Variants in CLIP2 observed in about 807,000 individuals in gnomAD.
CLIP2 encodes the protein CAP-Gly domain containing linker protein 2.
In CLIP2, 41 loss-of-function variants were observed where a neutral mutation model predicts 111.7. The observed-to-expected ratio is 0.37, with a 90% CI of 0.29 to 0.48. CLIP2 has a LOEUF of 0.48. Among genes scored for constraint, CLIP2 ranks in the 20% least tolerant of loss-of-function variants. CLIP2 has a pLI of 0.99. For missense variants in CLIP2, 1,160 were observed against 1,422.1 expected, an observed-to-expected ratio of 0.82 and a Z score of 2.96; for synonymous variants, 660 against 644.2, an observed-to-expected ratio of 1.02 and a Z score of -0.37.
At position 74,371,191 on chromosome 7, in the gene CLIP2, C is replaced by T. The variant is rs926566302; in HGVS notation, c.1381-1741C>T. ...CCTGGGAGGTGGAGGTTGCAGTGAG[C>T]CGAGATCGCGCCACTGCGCTCCAGC... is the stretch of plus-strand genomic sequence containing the variant. On this transcript the variant is annotated intron_variant, in intron 8 of 16. Transcript: ENST00000223398. Among the ~76,000 whole-genome samples the T allele has an allele frequency of 2.7e-5, 4 of 146,224 alleles. No individual in the cohort carries two copies. In the East Asian group the frequency reaches 8.2e-4, roughly 30 times the overall value.
At chr7:74,331,123 T>C (rs1554731192) in intron 2 of CLIP2, among the ~76,000 whole-genome samples, 1 of 139,208 alleles carries the variant, frequency 7.2e-6, no homozygotes, top group East Asian at 2.2e-4. Flanking sequence ...GGAGAATCAC[T>C]TGAACCCAGG....
Position 74,338,159 on chromosome 7 carries a change from G to A in CLIP2, c.122-289G>A, listed in dbSNP as rs782488621. 6.6e-6 allele frequency among the ~76,000 whole-genome samples: 1 copy of A among 152,194 alleles called. No individual in the cohort carries two copies. Among genetic ancestry groups the A allele is most frequent in the Non-Finnish European group, 1.5e-5 (1 of 68,016 alleles). On this transcript the variant is annotated intron_variant, in intron 2 of 16. Coordinates refer to ENST00000223398, the MANE Select transcript of CLIP2 (RefSeq NM_003388.5). The surrounding 1 kb of genome is among the most constrained non-coding windows in gnomAD (Gnocchi z 4.3). Reference sequence around the variant, plus strand: ...CAAGACTGCAGTGAGCCACCATATCGCCAATGCACTCTAGTCTGGGTGACA... The same window carrying A: ...CAAGACTGCAGTGAGCCACCATATCACCAATGCACTCTAGTCTGGGTGACA...
At position 74,313,516 on chromosome 7, in the gene CLIP2, C is replaced by T. The variant is rs531177253; in HGVS notation, c.-67-3964C>T. 4.0e-5 allele frequency among the ~76,000 whole-genome samples: 6 copies of T among 150,862 alleles called. 2 individuals are homozygous for T. The highest frequency in any genetic ancestry group is 4.2e-4 in the South Asian group (2 of 4,752). On this transcript the variant is annotated intron_variant, in intron 1 of 16. Coordinates refer to ENST00000223398, the MANE Select transcript of CLIP2 (RefSeq NM_003388.5). Reference sequence around the variant, plus strand: ...CAGAGCTTGCAGTGAGCCGAGATTGCGCCACTGCACTCCAGCCTGGGCGAC... The same window carrying T: ...CAGAGCTTGCAGTGAGCCGAGATTGTGCCACTGCACTCCAGCCTGGGCGAC...
intron 2 of CLIP2, among the ~76,000 whole-genome samples, chr7:74,331,736 G>A (rs1350706834): frequency 6.6e-6 from 1 of 151,092 alleles, no homozygotes; most frequent in African/African-American, 2.4e-5. Context: ...ACCACACCCA[G>A]CTAATTTTGT....
intron 1 of CLIP2, among the ~76,000 whole-genome samples, chr7:74,299,704 C>T (rs229895): frequency 0.59 from 87,889 of 148,886 alleles, 28,546 homozygotes; most frequent in Non-Finnish European, 0.75. Context: ...TCTTCTTCTT[C>T]TTTTTTTTTT....
chr7:74,395,365 A>G lies in CLIP2; in HGVS notation c.2721-1709A>G, dbSNP rs544132067. Among the ~76,000 whole-genome samples, 155 of 152,020 alleles carry G rather than the reference A, an allele frequency of 1.0e-3. 4 individuals carry two copies. In the South Asian group the frequency reaches 0.031, roughly 31 times the overall value. ...GTAGAGATGGGGTTTCACCATGTTG[A>G]CAGGCTGGTCTTGACTCATGACCTC... is the stretch of plus-strand genomic sequence containing the variant. On this transcript the variant is annotated intron_variant, in intron 13 of 16. Coordinates refer to ENST00000223398, the MANE Select transcript of CLIP2 (RefSeq NM_003388.5).
intron 6 of CLIP2, among the ~76,000 whole-genome samples, chr7:74,358,161 C>T (rs549510729): frequency 1.2e-4 from 18 of 152,022 alleles, no homozygotes; most frequent in African/African-American, 3.4e-4. Context: ...AAGCGATTCT[C>T]CTGCCTCAGC....
At chr7:74,326,271 G>T (rs1789103178) in intron 2 of CLIP2, among the ~76,000 whole-genome samples, 1 of 152,086 alleles carries the variant, frequency 6.6e-6, no homozygotes, top group Non-Finnish European at 1.5e-5. Flanking sequence ...CCGAGGCTTG[G>T]AGTCTCAGCT....
intron 3 of CLIP2, 92 bp from the exon 4 acceptor site, chr7:74,353,788 G>T: frequency 6.4e-7 from 1 of 1,562,442 alleles, no homozygotes; most frequent in Non-Finnish European, 8.8e-7. Flanking sequence ...ATGCTGGAAG[G>T]GATGGATGGG....
In CLIP2 at chr7:74,357,276, G is replaced by T. The variant is rs1370629851; in HGVS notation, c.1018-4G>T. 4 of 1,613,780 alleles carry T rather than the reference G, an allele frequency of 2.5e-6. No homozygotes were observed. In the East Asian group the frequency reaches 8.9e-5, roughly 36 times the overall value. Reference sequence around the variant, plus strand: ...GACCCGCCTGCATCCACACCTTCCTGCAGCTCACGGAGACCTCTTCACGCT... The same window carrying T: ...GACCCGCCTGCATCCACACCTTCCTTCAGCTCACGGAGACCTCTTCACGCT... On this transcript the variant is annotated splice_polypyrimidine_tract_variant and splice_region_variant and intron_variant, in intron 5 of 16. Transcript: ENST00000223398.
chr7:74,295,328 G>A (rs1450102073), intron 1 of CLIP2, among the ~76,000 whole-genome samples: 1 of 152,098 alleles, frequency 6.6e-6, no homozygotes, highest in African/African-American at 2.4e-5. Context: ...TGGGGGCAAA[G>A]GGAGAAAAGT....
chr7:74,354,118 A>G, intron 4 of CLIP2, 114 bp downstream of exon 4: 1 of 1,290,634 alleles, frequency 7.7e-7, no homozygotes, highest in East Asian at 2.3e-5. Flanking sequence ...AGTGTCAGAC[A>G]CCATAAGTCC....
chr7:74,317,610 C>A lies in CLIP2; in HGVS notation c.64C>A (p.Arg22=). The change falls in exon 2 of 17, where the codon CGG becomes AGG. Residue 22 remains arginine, a synonymous_variant. Transcript: ENST00000223398. ...GGGGAAGCACTCCAGCCCCATGGGC[C>A]GGACATCTACTGGGTCAGCTTCATC... ...RGGKHSSPMG[R]TSTGSASSSA... is the part of the protein sequence containing the mutation. The A allele has an allele frequency of 6.6e-7, 1 of 1,524,646 alleles. No individual in the cohort carries two copies. The highest frequency in any genetic ancestry group is 8.8e-7 in the Non-Finnish European group (1 of 1,130,062). 94.4% of individuals were successfully genotyped at this position (1,524,646 alleles called of 1,614,324 possible). A position where few individuals can be genotyped will look rare whatever the true frequency, so the allele number is the denominator to read the frequency against.
chr7:74,336,550 T>C (rs1392960995), intron 2 of CLIP2, among the ~76,000 whole-genome samples: 5 of 152,032 alleles, frequency 3.3e-5, no homozygotes, highest in South Asian at 2.1e-4. Flanking sequence ...GTGAGACTTA[T>C]TCACTACCAC....
intron 2 of CLIP2, among the ~76,000 whole-genome samples, chr7:74,331,387 A>G (rs2528482): frequency 0.99 from 150,565 of 151,518 alleles, 74,811 homozygotes; most frequent in Middle Eastern, 1. Context: ...CTCCTGAGAT[A>G]TGGAGGATGG....
At chr7:74,348,713 C>A (rs1789880815) in intron 3 of CLIP2, among the ~76,000 whole-genome samples, 1 of 150,884 alleles carries the variant, frequency 6.6e-6, no homozygotes, top group South Asian at 2.1e-4. Context: ...TGGCATGAAC[C>A]CAGGAGGCGG....
intron 10 of CLIP2, among the ~76,000 whole-genome samples, chr7:74,379,329 GA>G (rs879972818): frequency 4.0e-3 from 517 of 129,692 alleles, no homozygotes; most frequent in East Asian, 5.7e-3. Flanking sequence ...ACTCCGTCTG[GA>G]AAAAAAAAAA....
intron 1 of CLIP2, among the ~76,000 whole-genome samples, chr7:74,305,855 A>ACCCC (rs1478628381): frequency 3.4e-4 from 18 of 52,288 alleles, no homozygotes; most frequent in African/African-American, 9.8e-4. Flanking sequence ...CTGCACCCCA[A>ACCCC]CCCCCCCCCA....
Position 74,400,441 on chromosome 7 carries a change from G to C in CLIP2, c.2952G>C (p.Leu984=), listed in dbSNP as rs782705378. The change falls in exon 15 of 17, where the codon CTG becomes CTC. Residue 984 remains leucine, a synonymous_variant. Transcript: ENST00000223398. ...LIDRSSAPEL[L]RLQHQLMSTE... is the part of the protein sequence containing the mutation. ...ACCGGTCCTCGGCGCCCGAGCTTCT[G>C]CGGCTGCAGCACCAGCTGATGAGCA... 1.9e-6 allele frequency: 3 copies of C among 1,614,090 alleles called. No individual in the cohort carries two copies. The South Asian group carries it at 3.3e-5, about 18-fold the overall frequency.
Sources: gnomAD v4.1 joint callset for allele counts (sites outside exome capture counted in the v4.1 genomes callset) on GRCh38, gnomAD v4.1.1 for gene constraint, Gnocchi (gnomAD v3.1) non-coding constraint, MANE v1.5 for transcripts, NCBI Gene and HGNC (gene_info 2026-07-23, HGNC 2026-07-21) for gene names.